The following DOP1A variants were observed in gnomAD, a reference collection of about 807,000 sequenced individuals.
DOP1A encodes the protein DOP1 leucine zipper like protein A.
A neutral mutation model predicts 267.6 loss-of-function variants in DOP1A; 90 were observed. The observed-to-expected ratio is 0.34, with a 90% CI of 0.28 to 0.40. The LOEUF (loss-of-function observed/expected upper bound fraction) is 0.40, where lower values mean the gene tolerates loss of function less well. Ranked by LOEUF, DOP1A falls within the 10% of genes least tolerant of loss-of-function variation. The probability of loss-of-function intolerance (pLI) is 1.00; values close to 1 mark genes in which losing one functional copy is unlikely to be tolerated. For missense variants in DOP1A, 2,437 were observed against 2,900.4 expected (o/e 0.84, Z 3.67); for synonymous variants, 932 against 999.1 (o/e 0.93, Z 1.27).
intron 4 of DOP1A, among the ~76,000 whole-genome samples, chr6:83,106,698 T>C (rs1773664562): frequency 6.6e-6 from 1 of 151,820 alleles, no homozygotes; most frequent in South Asian, 2.1e-4. Context: ...TAATACTAGC[T>C]ACTGGGGAGG....
At chr6:83,144,514 A>G (rs939585774) in intron 24 of DOP1A, among the ~76,000 whole-genome samples, 1 of 152,186 alleles carries the variant, frequency 6.6e-6, no homozygotes, top group Non-Finnish European at 1.5e-5. Context: ...GCTCTAGGAA[A>G]AACAAAAAGT....
chr6:83,101,996 C>A (rs1041815913), intron 4 of DOP1A, among the ~76,000 whole-genome samples: 1 of 152,130 alleles, frequency 6.6e-6, no homozygotes, highest in Non-Finnish European at 1.5e-5. Flanking sequence ...TTTTCTCCTG[C>A]CCTTGGTAAC....
In DOP1A at chr6:83,120,775, G is replaced by C. The variant is rs146788469; in HGVS notation, c.1083G>C (p.Leu361=). Reference sequence around the variant, plus strand: ...CTTTTCGCATTTTAATCAGTTTACTGGACAAACCTGAGCTAGGTAATGTAT... The same window carrying C: ...CTTTTCGCATTTTAATCAGTTTACTCGACAAACCTGAGCTAGGTAATGTAT... ...LKPFRILISL[L]DKPELGPVIL... Residue 361 remains leucine, a synonymous_variant, in exon 10 of 39, where the codon CTG becomes CTC. Transcript: ENST00000349129. 9.3e-5 allele frequency: 146 copies of C among 1,571,418 alleles called. No individual in the cohort carries two copies. The highest frequency in any genetic ancestry group is 1.2e-4 in the Non-Finnish European group (137 of 1,150,392).
chr6:83,153,475 C>T (rs1782135611), intron 30 of DOP1A, 36 bp from the exon 31 acceptor site: 1 of 1,404,798 alleles, frequency 7.1e-7, no homozygotes, highest in East Asian at 2.4e-5. Flanking sequence ...TCAGTTTCAC[C>T]TCATATGTTA....
In DOP1A at chr6:83,129,900, A is replaced by G. The variant is rs1583039431; in HGVS notation, c.2342-223A>G. ...CAATATACTGTTTTTCGGGACAGAA[A>G]ACTAGATTGTATGACTTGGCATAAG... On this transcript the variant is annotated intron_variant, in intron 16 of 38. Coordinates refer to ENST00000349129, the MANE Select transcript of DOP1A (RefSeq NM_015018.4). Among the ~76,000 whole-genome samples, 4 of 152,326 alleles carry G rather than the reference A, an allele frequency of 2.6e-5. No individual in the cohort carries two copies. The Middle Eastern group carries it at 0.014, about 518-fold the overall frequency.
intron 27 of DOP1A, among the ~76,000 whole-genome samples, chr6:83,150,695 G>A (rs1048543916): frequency 2.0e-5 from 3 of 152,110 alleles, no homozygotes; most frequent in Non-Finnish European, 4.4e-5. Flanking sequence ...AGTGAATATT[G>A]AGTAGACTCT....
chr6:83,093,756 A>C (rs1439391825), intron 1 of DOP1A, among the ~76,000 whole-genome samples: 1 of 152,072 alleles, frequency 6.6e-6, no homozygotes. Flanking sequence ...AAATACAAAA[A>C]TTAGCCAGGC....
chr6:83,116,822 A>G (rs979287650), intron 7 of DOP1A, among the ~76,000 whole-genome samples: 2 of 152,112 alleles, frequency 1.3e-5, no homozygotes, highest in African/African-American at 4.8e-5. Context: ...AAAAAAATCC[A>G]AAAAATACAG....
intron 38 of DOP1A, among the ~76,000 whole-genome samples, chr6:83,163,491 TAAAGG>T (rs1326631460): frequency 6.6e-6 from 1 of 152,180 alleles, no homozygotes; most frequent in African/African-American, 2.4e-5. Flanking sequence ...TCGATCAGAA[TAAAGG>T]AAATAATCAT....
chr6:83,147,240 A>T lies in DOP1A; in HGVS notation c.5681A>T (p.His1894Leu), dbSNP rs1259452251. Reference sequence around the variant, plus strand: ...ATTGATTTCTTTTATTTATAGAAACATCTTTCTTTGGAAGTCTGCATGCTT... The same window carrying T: ...ATTGATTTCTTTTATTTATAGAAACTTCTTTCTTTGGAAGTCTGCATGCTT... Reference protein sequence around the residue: ...QPPAIAKDKKHLSLEVCMLQF... With the variant: ...QPPAIAKDKKLLSLEVCMLQF... The change falls in exon 26 of 39, where the codon CAT becomes CTT. Residue 1894 changes from histidine to leucine, a missense_variant. By Grantham distance (99) the His-to-Leu change is moderately conservative. Around this residue, in one of 9 missense-constraint regions of DOP1A, gnomAD observed 307 missense variants for 308.6 expected, o/e 0.99. Transcript: ENST00000349129. 2.0e-6 allele frequency: 3 copies of T among 1,464,288 alleles called. No homozygotes were observed. The African/African-American group carries it at 4.2e-5, about 20-fold the overall frequency. The allele number at this position is 1,464,288 out of a possible 1,614,324, so 90.7% of individuals were successfully genotyped here.
At chr6:83,103,905 A>G (rs1370596456) in intron 4 of DOP1A, among the ~76,000 whole-genome samples, 1 of 152,132 alleles carries the variant, frequency 6.6e-6, no homozygotes, top group Non-Finnish European at 1.5e-5. Context: ...TTCTAGTGAA[A>G]ACCCCTACTA....
rs1779185881 is a variant in DOP1A, at chr6:83,138,662, G to T, written c.4620G>T (p.Gln1540His). 1 of 1,613,810 alleles carries T rather than the reference G, an allele frequency of 6.2e-7. No homozygotes were observed. The highest frequency in any genetic ancestry group is 1.3e-5 in the African/African-American group (1 of 74,896). Residue 1540 changes from glutamine (Q) to histidine (H), a missense_variant, in exon 21 of 39, where the codon CAG becomes CAT. By Grantham distance (24) the Gln-to-His change is conservative (BLOSUM62 0). Transcript: ENST00000349129. The stretch of plus-strand genomic sequence containing the variant: ...TGCTGTCATCTATCTTTAGTGCTCA[G>T]AAATGGCATAGTGAAAAAATGGCAG... ...HCLLSSIFSA[Q>H]KWHSEKMAGK...
chr6:83,074,563 A>G (rs1006918579), intron 1 of DOP1A, among the ~76,000 whole-genome samples: 12 of 152,150 alleles, frequency 7.9e-5, no homozygotes, highest in African/African-American at 2.2e-4. Context: ...AACCATTTTG[A>G]TTTCTCCTTC....
At chr6:83,155,163 C>T (rs753080763) in intron 33 of DOP1A, among the ~76,000 whole-genome samples, 31 of 152,134 alleles carry the variant, frequency 2.0e-4, no homozygotes, top group Admixed American at 4.6e-4. Context: ...GAATAGGGAA[C>T]AAGAATTACA....
At chr6:83,155,897 G>C in intron 33 of DOP1A, 54 bp from the exon 34 acceptor site, 1 of 1,572,842 alleles carries the variant, frequency 6.4e-7, no homozygotes, top group African/African-American at 1.4e-5. Flanking sequence ...AAAAACAACA[G>C]AATAATCTTT....
Position 83,108,892 on chromosome 6 carries a change from T to C in DOP1A, c.321-18T>C, listed in dbSNP as rs766109339. ...AGTTATTTTGCTTCCTTCTCCTTTG[T>C]CTTTATTTTTTTAATAGTTCTGGAT... On this transcript the variant is annotated intron_variant, in intron 4 of 38. Transcript: ENST00000349129. The C allele has an allele frequency of 2.5e-6, 4 of 1,602,490 alleles. No homozygotes were observed. Among genetic ancestry groups the C allele is most frequent in the Non-Finnish European group, 3.4e-6 (4 of 1,174,584 alleles).
chr6:83,142,081 G>A (rs1779734230), intron 24 of DOP1A, 35 bp downstream of exon 24: 3 of 1,605,552 alleles, frequency 1.9e-6, no homozygotes, highest in Non-Finnish European at 2.5e-6. Context: ...TTTTGTTTTT[G>A]CATTTGGTGA....
rs554248704 is a variant in DOP1A at position 83,153,755 on chromosome 6, C to T, written c.6239+135C>T. The T allele has an allele frequency of 4.4e-5, 51 of 1,165,846 alleles. No homozygotes were observed. The African/African-American group carries it at 6.2e-4, about 14-fold the overall frequency. 72.2% of individuals were successfully genotyped at this position (1,165,846 alleles called of 1,614,324 possible). A position where few individuals can be genotyped will look rare whatever the true frequency, so the allele number is the denominator to read the frequency against. ...TGAATTATAATTGTTTAAAAAAATT[C>T]ATATATTATTTTTCTTATGGTGCTT... On this transcript the variant is annotated intron_variant, in intron 31 of 38. Coordinates refer to ENST00000349129, the MANE Select transcript of DOP1A (RefSeq NM_015018.4).
intron 38 of DOP1A, among the ~76,000 whole-genome samples, 183 bp downstream of exon 38, chr6:83,163,102 G>C (rs73749724): frequency 1.3e-5 from 2 of 151,948 alleles, no homozygotes; most frequent in African/African-American, 4.8e-5. Flanking sequence ...AAAACATATC[G>C]TATGTATTTT....
Sources: allele counts gnomAD v4.1 joint callset (sites outside exome capture counted in the v4.1 genomes callset), GRCh38; gene constraint gnomAD v4.1.1; regional missense constraint gnomAD v4.1.1; transcripts MANE v1.5; gene names NCBI Gene and HGNC (gene_info 2026-07-23, HGNC 2026-07-21).